RIPOR2: variants seen among roughly 807,000 people sequenced by gnomAD.
RIPOR2 encodes RHO family interacting cell polarization regulator 2, also known as rho family-interacting cell polarization regulator 2.
A neutral mutation model predicts 114.5 loss-of-function variants in RIPOR2; 39 were observed. That is an observed-to-expected ratio of 0.34 (90% CI 0.26 to 0.44). RIPOR2 has a LOEUF of 0.44. Among genes scored for constraint, RIPOR2 ranks in the 20% least tolerant of loss-of-function variants. RIPOR2 has a pLI of 1.00. For missense variants in RIPOR2, 1,007 were observed against 1,255.1 expected (o/e 0.80, Z 2.99); for synonymous variants, 445 against 484.4 (o/e 0.92, Z 1.07).
chr6:24,953,400 C>T (rs1772876079), intron 1 of RIPOR2, among the ~76,000 whole-genome samples: 1 of 152,076 alleles, frequency 6.6e-6, no homozygotes, highest in Non-Finnish European at 1.5e-5. Flanking sequence ...AGATTAGTGT[C>T]CTTATAGAAG....
Position 24,930,522 on chromosome 6 carries a change from G to A in RIPOR2, c.61+5316C>T, listed in dbSNP as rs115678377. Among the ~76,000 whole-genome samples, 1,006 of 152,338 alleles carry A rather than the reference G, an allele frequency of 6.6e-3. 8 individuals are homozygous for A. The highest frequency in any genetic ancestry group is 9.1e-3 in the South Asian group (44 of 4,830). On this transcript the variant is annotated intron_variant, in intron 1 of 21. Coordinates refer to ENST00000643898, the MANE Select transcript of RIPOR2 (RefSeq NM_001286445.3). The stretch of plus-strand genomic sequence containing the variant: ...CTAAGACAGCCTGCATAGCTTTAGT[G>A]CAATGTGCTATTTTAGTTTATGCCC...
At chr6:24,831,085 C>T (rs1348522560) in intron 16 of RIPOR2, among the ~76,000 whole-genome samples, 2 of 151,882 alleles carry the variant, frequency 1.3e-5, no homozygotes, top group Non-Finnish European at 2.9e-5. Flanking sequence ...TCTTTAGGGA[C>T]TTTTTTTCTC....
intron 2 of RIPOR2, among the ~76,000 whole-genome samples, chr6:24,874,978 T>A (rs1378609517): frequency 6.6e-6 from 1 of 152,210 alleles, no homozygotes; most frequent in Non-Finnish European, 1.5e-5. Flanking sequence ...AATTAGGAGA[T>A]GCAGAGGCTA....
intron 6 of RIPOR2, among the ~76,000 whole-genome samples, chr6:24,867,937 T>C (rs1764789388): frequency 6.6e-6 from 1 of 152,236 alleles, no homozygotes; most frequent in Non-Finnish European, 1.5e-5. Flanking sequence ...CTAACAACCA[T>C]GGATGCAAGA....
intron 1 of RIPOR2, among the ~76,000 whole-genome samples, chr6:24,891,686 G>A (rs1767372312): frequency 6.6e-6 from 1 of 152,134 alleles, no homozygotes; most frequent in Non-Finnish European, 1.5e-5. Context: ...TGTATTACTT[G>A]TATTCTGAGC....
At chr6:25,032,156 A>C (rs1777017629) in intron 1 of RIPOR2, among the ~76,000 whole-genome samples, 1 of 149,822 alleles carries the variant, frequency 6.7e-6, no homozygotes, top group African/African-American at 2.5e-5. Context: ...CCTCCCTTTG[A>C]TGCGGTATCA....
At chr6:24,835,468 A>C (rs1209830887) in intron 15 of RIPOR2, among the ~76,000 whole-genome samples, 1 of 152,132 alleles carries the variant, frequency 6.6e-6, no homozygotes, top group Admixed American at 6.5e-5. Flanking sequence ...AGTGAGAGCT[A>C]ACCATATGCC....
At chr6:25,013,908 A>G (rs1429065201) in intron 1 of RIPOR2, among the ~76,000 whole-genome samples, 4 of 152,184 alleles carry the variant, frequency 2.6e-5, no homozygotes, top group African/African-American at 4.8e-5. Context: ...TTTTTATTTT[A>G]AAAGATTATG....
chr6:24,808,814 C>G (rs1341505138), intron 21 of RIPOR2, among the ~76,000 whole-genome samples: 2 of 148,442 alleles, frequency 1.3e-5, no homozygotes, highest in South Asian at 4.2e-4. Context: ...GGCTGGAATA[C>G]AGTGGCATGA....
intron 1 of RIPOR2, among the ~76,000 whole-genome samples, chr6:24,964,147 C>CTG (rs70974955): frequency 0.09 from 13,225 of 146,610 alleles, 1,325 homozygotes; most frequent in African/African-American, 0.26. Flanking sequence ...GACATTGGCT[C>CTG]TGTGTGTGTG....
intron 1 of RIPOR2, among the ~76,000 whole-genome samples, chr6:24,970,159 A>AC (rs67065671): frequency 0.48 from 47,334 of 98,318 alleles, 7,969 homozygotes; most frequent in Non-Finnish European, 0.58. Context: ...AAGAAAGGGG[A>AC]CGAAAAAAAA....
At chr6:24,851,272 C>T (rs981020746) in intron 9 of RIPOR2, among the ~76,000 whole-genome samples, 2 of 152,208 alleles carry the variant, frequency 1.3e-5, no homozygotes, top group Non-Finnish European at 2.9e-5. Context: ...AAGGTCATTG[C>T]ACTGTGCCCT....
At chr6:24,829,411 T>G in intron 17 of RIPOR2, among the ~76,000 whole-genome samples, 1 of 152,110 alleles carries the variant, frequency 6.6e-6, no homozygotes, top group Non-Finnish European at 1.5e-5. Context: ...GAGGATTGCT[T>G]GAGCCCAGGA....
intron 1 of RIPOR2, among the ~76,000 whole-genome samples, chr6:24,993,210 C>T (rs578223814): frequency 1.3e-4 from 20 of 152,216 alleles, no homozygotes; most frequent in East Asian, 9.6e-4. Context: ...ATCTTTTGAA[C>T]GGTTTTCTCT....
chr6:24,911,500 G>A (rs1769598090), intron 1 of RIPOR2, among the ~76,000 whole-genome samples: 1 of 152,170 alleles, frequency 6.6e-6, no homozygotes, highest in Non-Finnish European at 1.5e-5. Context: ...GTGAGGGTGA[G>A]GTTGGCTGCC....
At chr6:24,832,075 T>C (rs1237709963) in intron 16 of RIPOR2, among the ~76,000 whole-genome samples, 181 bp downstream of exon 16, 1 of 152,174 alleles carries the variant, frequency 6.6e-6, no homozygotes, top group Non-Finnish European at 1.5e-5. Flanking sequence ...GTCTGCTGCT[T>C]TGACTCAGAA....
chr6:24,825,200 T>A, intron 19 of RIPOR2, 26 bp downstream of exon 19: 1 of 1,514,862 alleles, frequency 6.6e-7, no homozygotes, highest in Non-Finnish European at 9.0e-7. Context: ...AGCTTCTGGC[T>A]TGATGGCCAT....
At position 24,865,466 on chromosome 6, in the gene RIPOR2, C is replaced by G. The variant is rs73398456; in HGVS notation, c.502-16G>C. 3,660 of 1,589,292 alleles carry G rather than the reference C, an allele frequency of 2.3e-3. 69 individuals carry two copies. In the African/African-American group the frequency reaches 0.044, roughly 19 times the overall value. On this transcript the variant is annotated splice_polypyrimidine_tract_variant and intron_variant, in intron 6 of 21. Transcript: ENST00000643898. Reference sequence around the variant, plus strand: ...GTTCATCTACCTGCCAGAATCAAAACAGGAAACAGAAATAAATGTCAGGCT... The same window carrying G: ...GTTCATCTACCTGCCAGAATCAAAAGAGGAAACAGAAATAAATGTCAGGCT...
intron 1 of RIPOR2, among the ~76,000 whole-genome samples, chr6:24,884,134 C>T (rs1464847347): frequency 6.6e-6 from 1 of 152,170 alleles, no homozygotes; most frequent in Non-Finnish European, 1.5e-5. Context: ...GCAGGCCCGG[C>T]ACGGTGGCTC....
Sources: gnomAD v4.1 joint callset for allele counts (sites outside exome capture counted in the v4.1 genomes callset) on GRCh38, gnomAD v4.1.1 for gene constraint, MANE v1.5 for transcripts, NCBI Gene and HGNC (gene_info 2026-07-23, HGNC 2026-07-21) for gene names.